TTC21B: variants seen among roughly 807,000 people sequenced by gnomAD.
TTC21B encodes tetratricopeptide repeat domain 21B.
Under a neutral mutation model 175.1 loss-of-function variants are expected in TTC21B, and 127 were observed. The ratio of observed to expected loss-of-function variants is 0.73; its 90% CI spans 0.63 to 0.84. TTC21B has a LOEUF of 0.84. Among genes scored for constraint, TTC21B ranks in the 40% least tolerant of loss-of-function variants. TTC21B has a pLI of 0.00. For missense variants in TTC21B, 1,561 were observed against 1,558.3 expected (o/e 1.00, Z -0.03); for synonymous variants, 524 against 524.5 (o/e 1.00, Z 0.01).
At chr2:165,915,934 G>A (rs917817487) in intron 14 of TTC21B, among the ~76,000 whole-genome samples, 4 of 152,220 alleles carry the variant, frequency 2.6e-5, no homozygotes, top group Non-Finnish European at 5.9e-5. Flanking sequence ...TAATTTAAGT[G>A]TACCTCAGAA....
intron 19 of TTC21B, among the ~76,000 whole-genome samples, 164 bp downstream of exon 19, chr2:165,907,514 A>AC: frequency 6.6e-6 from 1 of 152,228 alleles, no homozygotes; most frequent in East Asian, 1.9e-4. Context: ...TAGTAATAGT[A>AC]TATTTAAAAT....
rs1684580057 is a variant in TTC21B at position 165,873,759 on chromosome 2, C to G, written c.*996G>C. ...CTTAAGACCACAATGGCCTTGAAAG[C>G]AGGAAGAATGAGCTCAAGAAAGGAA... is the stretch of plus-strand genomic sequence containing the variant. On this transcript the variant is annotated 3_prime_UTR_variant, in exon 29 of 29. Coordinates refer to ENST00000243344, the MANE Select transcript of TTC21B (RefSeq NM_024753.5). 6.6e-6 allele frequency: 1 copy of G among 152,040 alleles called. No homozygotes were observed. The highest frequency in any genetic ancestry group is 1.5e-5 in the Non-Finnish European group (1 of 68,024). The allele number at this position is 152,040 out of a possible 1,614,324, so 9.4% of individuals were successfully genotyped here.
intron 19 of TTC21B, among the ~76,000 whole-genome samples, chr2:165,904,107 G>A (rs1238129790): frequency 2.0e-5 from 3 of 152,244 alleles, no homozygotes; most frequent in South Asian, 2.1e-4. Context: ...GGACCATGGT[G>A]ACTGGGACTA....
rs565605248 is a variant in TTC21B, at chr2:165,874,211, T to A, written c.*544A>T. On this transcript the variant is annotated 3_prime_UTR_variant, in exon 29 of 29. Transcript: ENST00000243344. ...AATACAAAAAATTAGCCGGGTGTGA[T>A]GGCACATGCCTTTAGTCCCAGCTAC... 6.6e-6 allele frequency: 1 copy of A among 152,430 alleles called. No homozygotes were observed. Among genetic ancestry groups the A allele is most frequent in the Non-Finnish European group, 1.5e-5 (1 of 68,302 alleles). 9.4% of individuals were successfully genotyped at this position (152,430 alleles called of 1,614,324 possible).
chr2:165,933,467 A>AT (rs748829457), intron 6 of TTC21B, among the ~76,000 whole-genome samples: 1 of 152,196 alleles, frequency 6.6e-6, no homozygotes, highest in South Asian at 2.1e-4. Flanking sequence ...TTCCTACGTG[A>AT]TAAAAACAAA....
chr2:165,937,238 A>C (rs1687183144), intron 6 of TTC21B, among the ~76,000 whole-genome samples: 1 of 152,124 alleles, frequency 6.6e-6, no homozygotes, highest in Non-Finnish European at 1.5e-5. Context: ...GGAAGAGGTA[A>C]AACTATAAAG....
rs1371696083 is a variant in TTC21B, at chr2:165,888,432, T to A, written c.3306A>T (p.Arg1102Ser). The A allele has an allele frequency of 6.2e-7, 1 of 1,613,814 alleles. No individual in the cohort carries two copies. Among genetic ancestry groups the A allele is most frequent in the Non-Finnish European group, 8.5e-7 (1 of 1,179,930 alleles). Residue 1102 changes from arginine (R) to serine (S), a missense_variant, in exon 25 of 29, where the codon AGA (arginine) becomes AGT (serine). Arg to Ser is a moderately radical substitution (Grantham distance 110). Transcript: ENST00000243344. The part of the protein sequence containing the change: ...EKQESVQLAV[R>S]TAEKLLKELK... ...GTTCCTTAAGAAGTTTTTCTGCTGTTCTTACTGCCAGTTGCACAGATTCTT... is the reference window on the plus strand; with the variant it reads ...GTTCCTTAAGAAGTTTTTCTGCTGTACTTACTGCCAGTTGCACAGATTCTT...
intron 3 of TTC21B, 161 bp downstream of exon 3, chr2:165,949,233 A>G: frequency 1.5e-6 from 1 of 647,568 alleles, no homozygotes; most frequent in African/African-American, 1.8e-5. Flanking sequence ...CTTGTGCCTG[A>G]TGAATTTACA....
At chr2:165,903,016 C>T (rs1685618411) in intron 19 of TTC21B, among the ~76,000 whole-genome samples, 1 of 152,174 alleles carries the variant, frequency 6.6e-6, no homozygotes, top group Admixed American at 6.5e-5. Flanking sequence ...TTAGAGATGT[C>T]CCATCACTTA....
intron 19 of TTC21B, among the ~76,000 whole-genome samples, chr2:165,904,097 G>A (rs1685651167): frequency 6.6e-6 from 1 of 152,022 alleles, no homozygotes; most frequent in Admixed American, 6.6e-5. Flanking sequence ...GAGGCTCATG[G>A]GACCATGGTG....
intron 11 of TTC21B, among the ~76,000 whole-genome samples, chr2:165,928,291 A>T (rs1300592255): frequency 3.9e-5 from 6 of 152,188 alleles, no homozygotes; most frequent in Admixed American, 3.9e-4. Flanking sequence ...GTAGAGTCCT[A>T]CATTTGAGTC....
chr2:165,915,889 TC>T (rs1281324006), intron 14 of TTC21B, among the ~76,000 whole-genome samples: 2 of 152,224 alleles, frequency 1.3e-5, no homozygotes, highest in Non-Finnish European at 2.9e-5. Context: ...CATCTCAACT[TC>T]AGAGATTATA....
chr2:165,896,191 C>T (rs1182442780), intron 22 of TTC21B, among the ~76,000 whole-genome samples: 2 of 152,080 alleles, frequency 1.3e-5, no homozygotes, highest in Non-Finnish European at 2.9e-5. Flanking sequence ...TGAAACACAG[C>T]TCTAGGACTT....
chr2:165,946,279 C>CA (rs1171390558), intron 3 of TTC21B, among the ~76,000 whole-genome samples: 3 of 151,722 alleles, frequency 2.0e-5, no homozygotes, highest in African/African-American at 7.3e-5. Flanking sequence ...GCGGAGCTTG[C>CA]AGTGAGCAGA....
intron 19 of TTC21B, among the ~76,000 whole-genome samples, chr2:165,905,958 T>C (rs1336736692): frequency 2.6e-5 from 4 of 152,128 alleles, no homozygotes; most frequent in Admixed American, 6.5e-5. Flanking sequence ...CTTCAACAAA[T>C]TGCAAAGGAT....
At chr2:165,890,748 CA>C (rs1414949439) in intron 23 of TTC21B, 89 bp downstream of exon 23, 15 of 1,532,468 alleles carry the variant, frequency 9.8e-6, no homozygotes, top group South Asian at 2.3e-5. Flanking sequence ...TTGAAATGTA[CA>C]TTTTTTTTTA....
At chr2:165,877,503 T>C (rs887838289) in intron 27 of TTC21B, among the ~76,000 whole-genome samples, 4 of 152,182 alleles carry the variant, frequency 2.6e-5, no homozygotes, top group African/African-American at 9.7e-5. Context: ...TTCATGACAG[T>C]AACATGCTGT....
Position 165,943,201 on chromosome 2 carries a change from A to G in TTC21B, c.552+18T>C, listed in dbSNP as rs1171346294. 6.2e-7 allele frequency: 1 copy of G among 1,612,772 alleles called. No individual in the cohort carries two copies. Among genetic ancestry groups the G allele is most frequent in the Non-Finnish European group, 8.5e-7 (1 of 1,179,052 alleles). Reference sequence around the variant, plus strand: ...ATATATTTTGAAACATGATTTATTTACCCTAACTCCAACTCACCTTACCCA... The same window carrying G: ...ATATATTTTGAAACATGATTTATTTGCCCTAACTCCAACTCACCTTACCCA... On this transcript the variant is annotated intron_variant, in intron 5 of 28. Coordinates refer to ENST00000243344, the MANE Select transcript of TTC21B (RefSeq NM_024753.5).
At chr2:165,936,160 C>T (rs1163684862) in intron 6 of TTC21B, among the ~76,000 whole-genome samples, 1 of 152,020 alleles carries the variant, frequency 6.6e-6, no homozygotes, top group Non-Finnish European at 1.5e-5. Flanking sequence ...AATAGACCCA[C>T]ATAGATAGTA....
Sources: gnomAD v4.1 joint callset for allele counts (sites outside exome capture counted in the v4.1 genomes callset) on GRCh38, gnomAD v4.1.1 for gene constraint, MANE v1.5 for transcripts, NCBI Gene and HGNC (gene_info 2026-07-23, HGNC 2026-07-21) for gene names.